Variants in CTNNA2 observed in about 807,000 individuals in gnomAD.
CTNNA2 encodes catenin alpha-2.
A neutral mutation model predicts 101.0 loss-of-function variants in CTNNA2; 42 were observed. The observed-to-expected ratio is 0.42, with a 90% confidence interval of 0.32 to 0.54. The LOEUF is 0.54. Ranked by LOEUF, CTNNA2 falls within the 20% of genes least tolerant of loss-of-function variation. CTNNA2 has a pLI of 0.14. For missense variants in CTNNA2, 871 were observed against 1,223.1 expected, an observed-to-expected ratio of 0.71 and a Z score of 4.29; for synonymous variants, 450 against 456.4, an observed-to-expected ratio of 0.99 and a Z score of 0.18.
At chr2:80,096,629 G>T (rs915171222) in intron 7 of CTNNA2, among the ~76,000 whole-genome samples, 22 of 152,118 alleles carry the variant, frequency 1.4e-4, no homozygotes, top group African/African-American at 4.8e-4. Flanking sequence ...CATTATTATT[G>T]TGTGGGAGTC....
intron 3 of CTNNA2, among the ~76,000 whole-genome samples, chr2:79,829,583 A>G (rs1319955683): frequency 6.6e-6 from 1 of 151,390 alleles, no homozygotes; most frequent in Admixed American, 6.6e-5. Flanking sequence ...TAAAATAATT[A>G]AAAAAAAGAA....
At chr2:79,837,897 A>G (rs1470669614) in intron 3 of CTNNA2, among the ~76,000 whole-genome samples, 1 of 152,118 alleles carries the variant, frequency 6.6e-6, no homozygotes, top group Non-Finnish European at 1.5e-5. Context: ...AACATGGCTT[A>G]TTTTATTTTT....
At chr2:80,178,165 A>G (rs1705518014) in intron 7 of CTNNA2, among the ~76,000 whole-genome samples, 1 of 152,186 alleles carries the variant, frequency 6.6e-6, no homozygotes, top group South Asian at 2.1e-4. Flanking sequence ...CATCTGAGCC[A>G]TTTCCTCATG....
chr2:79,974,366 G>A (rs537462703), intron 7 of CTNNA2, among the ~76,000 whole-genome samples: 122 of 152,232 alleles, frequency 8.0e-4, no homozygotes, highest in African/African-American at 2.7e-3. Flanking sequence ...AAAGGTTAGC[G>A]AGAAGGTTCA....
chr2:80,158,183 G>T (rs1704096309), intron 7 of CTNNA2, among the ~76,000 whole-genome samples: 1 of 152,140 alleles, frequency 6.6e-6, no homozygotes, highest in Non-Finnish European at 1.5e-5. Flanking sequence ...CAGAGAGTAA[G>T]GTTGCCCCAA....
intron 7 of CTNNA2, among the ~76,000 whole-genome samples, chr2:80,060,578 A>C (rs1572968853): frequency 6.6e-6 from 1 of 152,050 alleles, no homozygotes; most frequent in Non-Finnish European, 1.5e-5. Flanking sequence ...GTGTGATTGT[A>C]ATCTTCTCCC....
intron 7 of CTNNA2, among the ~76,000 whole-genome samples, chr2:80,040,857 A>G (rs1696000955): frequency 1.3e-5 from 2 of 152,346 alleles, no homozygotes; most frequent in South Asian, 4.1e-4. Flanking sequence ...CCTTAAGGAA[A>G]TAATGCAAAT....
At chr2:79,564,732 G>T (rs1166562043) in intron 1 of CTNNA2, among the ~76,000 whole-genome samples, 2 of 152,076 alleles carry the variant, frequency 1.3e-5, no homozygotes, top group African/African-American at 4.8e-5. Flanking sequence ...ATTATGTGTG[G>T]CAAAGAGTAG....
intron 8 of CTNNA2, among the ~76,000 whole-genome samples, chr2:80,403,704 A>G (rs1459932165): frequency 6.6e-6 from 1 of 152,178 alleles, no homozygotes; most frequent in Non-Finnish European, 1.5e-5. Flanking sequence ...ATACTAGAGT[A>G]TGGAAAATTC....
chr2:80,328,212 G>T, intron 7 of CTNNA2: 5 of 458,648 alleles, frequency 1.1e-5, no homozygotes, highest in East Asian at 7.0e-5. Context: ...GCTTTTTTGG[G>T]TTTTGTCATT....
chr2:79,945,580 A>G (rs1688438249), intron 7 of CTNNA2, among the ~76,000 whole-genome samples: 1 of 152,102 alleles, frequency 6.6e-6, no homozygotes, highest in South Asian at 2.1e-4. Flanking sequence ...CTCCTTTTTA[A>G]TAGACATGAC....
At chr2:79,430,868 T>G (rs771307412) in intron 4 of CTNNA2, among the ~76,000 whole-genome samples, 8 of 135,426 alleles carry the variant, frequency 5.9e-5, no homozygotes, top group Non-Finnish European at 9.8e-5. Flanking sequence ...TGTAAAGACT[T>G]CATTATATTG....
At chr2:79,847,917 C>T (rs1348302779) in intron 3 of CTNNA2, among the ~76,000 whole-genome samples, 1 of 152,082 alleles carries the variant, frequency 6.6e-6, no homozygotes, top group Non-Finnish European at 1.5e-5. Flanking sequence ...TTCTTGTTTT[C>T]CTAATAACAT....
chr2:80,043,040 C>CTTCTTTCTTTCTTTCTTTCT (rs1173555945), intron 7 of CTNNA2, among the ~76,000 whole-genome samples: 1 of 52,742 alleles, frequency 1.9e-5, no homozygotes, highest in Non-Finnish European at 3.8e-5. Flanking sequence ...TCTTTCTTTC[C>CTTCTTTCTTTCTTTCTTTCT]TTCTTTCTTT....
chr2:79,949,926 T>C (rs1434754428), intron 7 of CTNNA2, among the ~76,000 whole-genome samples: 2 of 152,208 alleles, frequency 1.3e-5, no homozygotes, highest in East Asian at 3.8e-4. Flanking sequence ...CTGTAATTGT[T>C]GGAGGATTGA....
chr2:79,616,325 A>G (rs760538895), intron 1 of CTNNA2, among the ~76,000 whole-genome samples: 1 of 152,164 alleles, frequency 6.6e-6, no homozygotes, highest in Non-Finnish European at 1.5e-5. Flanking sequence ...ATTGTAATCT[A>G]TAGAGACCTA....
At chr2:80,496,565 GTTTA>G (rs1219900339) in intron 9 of CTNNA2, among the ~76,000 whole-genome samples, 1 of 150,062 alleles carries the variant, frequency 6.7e-6, no homozygotes. Context: ...TTTTTTTTTT[GTTTA>G]TTTGTTTTCT....
At chr2:80,581,685 C>A (rs763531299) in intron 13 of CTNNA2, 21 bp from the exon 14 acceptor site, 1 of 1,450,786 alleles carries the variant, frequency 6.9e-7, no homozygotes, top group East Asian at 2.3e-5. Flanking sequence ...AGTATGCTGA[C>A]TTATATCTTT....
chr2:80,358,396 G>C (rs1674058485), intron 7 of CTNNA2, among the ~76,000 whole-genome samples: 1 of 146,624 alleles, frequency 6.8e-6, no homozygotes, highest in Non-Finnish European at 1.5e-5. Context: ...TGTCACCAAG[G>C]CTGGAGTGCA....
Sources: allele counts gnomAD v4.1 joint callset (sites outside exome capture counted in the v4.1 genomes callset), GRCh38; gene constraint gnomAD v4.1.1; transcripts MANE v1.5; gene names NCBI Gene and HGNC (gene_info 2026-07-23, HGNC 2026-07-21).